The following NUBPL variants were observed in gnomAD, a reference collection of about 807,000 sequenced individuals.
NUBPL encodes the protein NUBP iron-sulfur cluster assembly factor, mitochondrial.
NUBPL carries 31 observed loss-of-function variants against 45.7 expected under a neutral mutation model. The ratio of observed to expected loss-of-function variants is 0.68; its 90% CI spans 0.51 to 0.92. The LOEUF (loss-of-function observed/expected upper bound fraction) is 0.92, where lower values mean the gene tolerates loss of function less well. Among genes scored for constraint, NUBPL ranks in the 40% least tolerant of loss-of-function variants. The probability of loss-of-function intolerance (pLI) is 0.00; values close to 1 mark genes in which losing one functional copy is unlikely to be tolerated. For synonymous variants in NUBPL, 144 were observed against 140.9 expected, an observed-to-expected ratio of 1.02 and a Z score of -0.15; for missense variants, 401 against 398.7, an observed-to-expected ratio of 1.01 and a Z score of -0.05.
At chr14:31,660,125 A>C (rs2036233298) in intron 4 of NUBPL, among the ~76,000 whole-genome samples, 1 of 152,044 alleles carries the variant, frequency 6.6e-6, no homozygotes, top group Admixed American at 6.5e-5. Flanking sequence ...TTCCTCCCTC[A>C]TTTCCACTTT....
intron 4 of NUBPL, among the ~76,000 whole-genome samples, chr14:31,620,244 G>T (rs909142062): frequency 2.0e-5 from 3 of 151,994 alleles, no homozygotes; most frequent in Admixed American, 6.6e-5. Context: ...GTAGCTCAGA[G>T]GAGTTTGTTA....
At chr14:31,788,252 T>C (rs930241020) in intron 7 of NUBPL, among the ~76,000 whole-genome samples, 2 of 152,174 alleles carry the variant, frequency 1.3e-5, no homozygotes, top group Non-Finnish European at 2.9e-5. Context: ...GGTTAAGTAG[T>C]AGCAGAGACA....
chr14:31,721,614 GT>G (rs538806245), intron 6 of NUBPL, among the ~76,000 whole-genome samples: 8 of 145,470 alleles, frequency 5.5e-5, no homozygotes, highest in South Asian at 2.2e-4. Context: ...CTCTAGTAAC[GT>G]TTTTTTTTTT....
chr14:31,700,841 T>G lies in NUBPL; in HGVS notation c.513+27267T>G, dbSNP rs926932759. On this transcript the variant is annotated intron_variant, in intron 6 of 10. Transcript: ENST00000281081. ...CCCAGCCCCCTCCCCCCCACCACCG[T>G]GGGTTCCCTCACGGCCTGAGCCTCC... Among the ~76,000 whole-genome samples, 47 of 147,804 alleles carry G rather than the reference T, an allele frequency of 3.2e-4. 1 individual carries two copies. The highest frequency in any genetic ancestry group is 2.3e-4 in the South Asian group (1 of 4,424).
intron 4 of NUBPL, among the ~76,000 whole-genome samples, chr14:31,638,609 G>C (rs899195682): frequency 1.3e-5 from 2 of 152,072 alleles, no homozygotes; most frequent in African/African-American, 4.8e-5. Context: ...GGCGTTCTCT[G>C]TATTTCCTGA....
chr14:31,621,807 G>A (rs187974934), intron 4 of NUBPL, among the ~76,000 whole-genome samples: 48 of 152,280 alleles, frequency 3.2e-4, no homozygotes, highest in African/African-American at 1.0e-3. Flanking sequence ...CTTTATAGAC[G>A]TGTGAAAATG....
chr14:31,826,375 C>T (rs1237933421), intron 7 of NUBPL, among the ~76,000 whole-genome samples: 1 of 152,172 alleles, frequency 6.6e-6, no homozygotes, highest in Non-Finnish European at 1.5e-5. Context: ...CCCACCTCGG[C>T]CTCCCAAAAT....
chr14:31,571,557 C>T (rs2033585080), intron 3 of NUBPL, among the ~76,000 whole-genome samples: 1 of 151,888 alleles, frequency 6.6e-6, no homozygotes, highest in South Asian at 2.1e-4. Context: ...TCAAGTGATT[C>T]TCCTGCCTCA....
At chr14:31,605,641 G>C (rs2034564845) in intron 4 of NUBPL, among the ~76,000 whole-genome samples, 2 of 152,284 alleles carry the variant, frequency 1.3e-5, no homozygotes, top group Non-Finnish European at 2.9e-5. Flanking sequence ...AAATCAGCTT[G>C]AGCAAATGAC....
At chr14:31,757,734 C>T (rs1339946931) in intron 6 of NUBPL, among the ~76,000 whole-genome samples, 1 of 152,056 alleles carries the variant, frequency 6.6e-6, no homozygotes, top group Non-Finnish European at 1.5e-5. Context: ...TTTCTTCTTT[C>T]ATGTGTTTAT....
chr14:31,760,146 A>T (rs200503480), intron 6 of NUBPL, among the ~76,000 whole-genome samples: 4,851 of 13,010 alleles, frequency 0.37, 316 homozygotes, highest in African/African-American at 0.42. Context: ...TGTGTGTGTG[A>T]GAGAGAGAGA....
intron 9 of NUBPL, among the ~76,000 whole-genome samples, chr14:31,846,961 A>C (rs2040463375): frequency 6.7e-6 from 1 of 150,228 alleles, no homozygotes; most frequent in Non-Finnish European, 1.5e-5. Flanking sequence ...ATCAAAAAAA[A>C]AACAAAAAAC....
chr14:31,605,710 T>C (rs1176826460), intron 4 of NUBPL, among the ~76,000 whole-genome samples: 1 of 151,868 alleles, frequency 6.6e-6, no homozygotes, highest in Non-Finnish European at 1.5e-5. Flanking sequence ...GCTTCTTTCT[T>C]CTTTCTTCTT....
chr14:31,792,864 C>T (rs912162757), intron 7 of NUBPL, among the ~76,000 whole-genome samples: 1 of 152,028 alleles, frequency 6.6e-6, no homozygotes, highest in East Asian at 1.9e-4. Context: ...TAAAAAGGTA[C>T]CAAAAATGAT....
chr14:31,781,789 C>G lies in NUBPL; in HGVS notation c.514-5991C>G, dbSNP rs191724159. 2.1e-3 allele frequency among the ~76,000 whole-genome samples: 318 copies of G among 152,236 alleles called. 1 individual carries two copies. The highest frequency in any genetic ancestry group is 7.3e-3 in the African/African-American group (304 of 41,560). ...TATTTATTAACCTTTTCATGACTTA[C>G]TCAGACCATCTATGACATGCTTAGA... is the stretch of plus-strand genomic sequence containing the variant. On this transcript the variant is annotated intron_variant, in intron 6 of 10. Coordinates refer to ENST00000281081, the MANE Select transcript of NUBPL (RefSeq NM_025152.3).
chr14:31,703,587 G>C (rs1387652546), intron 6 of NUBPL, among the ~76,000 whole-genome samples: 1 of 152,084 alleles, frequency 6.6e-6, no homozygotes, highest in East Asian at 1.9e-4. Context: ...CAGACAGAGA[G>C]CTTGTGCAGG....
intron 6 of NUBPL, among the ~76,000 whole-genome samples, chr14:31,688,658 G>GTT (rs35846918): frequency 0.049 from 6,367 of 129,366 alleles, 197 homozygotes; most frequent in Non-Finnish European, 0.053. Context: ...TTTTGTTGTT[G>GTT]TTTTTTTTTT....
intron 6 of NUBPL, among the ~76,000 whole-genome samples, chr14:31,765,033 A>C (rs779242237): frequency 4.6e-5 from 7 of 152,218 alleles, no homozygotes; most frequent in Non-Finnish European, 7.3e-5. Context: ...GGACACCTAC[A>C]TATTACATTA....
intron 3 of NUBPL, among the ~76,000 whole-genome samples, chr14:31,569,956 T>A (rs542603148): frequency 1.3e-5 from 2 of 152,346 alleles, no homozygotes; most frequent in East Asian, 3.9e-4. Context: ...ATGCACAGTT[T>A]GGAAGAGCAC....
Sources: allele counts gnomAD v4.1 joint callset (sites outside exome capture counted in the v4.1 genomes callset), GRCh38; gene constraint gnomAD v4.1.1; transcripts MANE v1.5; gene names NCBI Gene and HGNC (gene_info 2026-07-23, HGNC 2026-07-21).